The following FAM89A variants were observed in gnomAD, a reference collection of about 807,000 sequenced individuals.
FAM89A encodes the protein protein FAM89A.
In FAM89A, 10 loss-of-function variants were observed where a neutral mutation model predicts 7.1. The ratio of observed to expected loss-of-function variants is 1.40; its 90% CI spans 0.86 to 2.38. The LOEUF is 2.38. FAM89A is among the 30% of genes most tolerant of loss of function. The pLI is 0.00. For missense variants in FAM89A, 276 were observed against 262.8 expected (o/e 1.05, Z -0.35); for synonymous variants, 157 against 129.3 (o/e 1.21, Z -1.45).
intron 1 of FAM89A, among the ~76,000 whole-genome samples, chr1:231,020,883 C>A (rs1354845148): frequency 1.3e-5 from 2 of 152,168 alleles, no homozygotes; most frequent in African/African-American, 4.8e-5. Context: ...TCCCCCACCA[C>A]CCATCCCAGA....
intron 1 of FAM89A, among the ~76,000 whole-genome samples, chr1:231,036,040 G>C (rs577116646): frequency 1.3e-5 from 2 of 152,170 alleles, no homozygotes; most frequent in African/African-American, 2.4e-5. Flanking sequence ...CACTGTTAGA[G>C]GCCAGGTTCC....
chr1:231,023,994 T>C (rs1679920480), intron 1 of FAM89A, among the ~76,000 whole-genome samples: 1 of 152,242 alleles, frequency 6.6e-6, no homozygotes, highest in Admixed American at 6.5e-5. Context: ...CTAAATTAAA[T>C]TGATAAAAAG....
At chr1:231,027,611 C>T (rs560048338) in intron 1 of FAM89A, among the ~76,000 whole-genome samples, 9 of 152,290 alleles carry the variant, frequency 5.9e-5, no homozygotes, top group African/African-American at 1.2e-4. Context: ...CTTCCTAGCC[C>T]GGGCCCCTCT....
chr1:231,030,581 A>G (rs1390650480), intron 1 of FAM89A, among the ~76,000 whole-genome samples: 1 of 152,198 alleles, frequency 6.6e-6, no homozygotes, highest in African/African-American at 2.4e-5. Context: ...ATGTCTTTGT[A>G]CATTCTTTTA....
At chr1:231,026,862 C>T (rs1383625040) in intron 1 of FAM89A, 2 of 152,094 alleles carry the variant, frequency 1.3e-5, no homozygotes, top group African/African-American at 4.8e-5. Context: ...GAGAAAGCCA[C>T]ACTCTCTCGG....
intron 1 of FAM89A, among the ~76,000 whole-genome samples, chr1:231,033,160 A>G (rs149069812): frequency 3.5e-4 from 53 of 152,318 alleles, no homozygotes; most frequent in Non-Finnish European, 6.8e-4. Context: ...ACTCCTGTCT[A>G]ATCATCACTT....
At chr1:231,029,896 G>A (rs963128158) in intron 1 of FAM89A, among the ~76,000 whole-genome samples, 1 of 152,218 alleles carries the variant, frequency 6.6e-6, no homozygotes, top group Admixed American at 6.5e-5. Flanking sequence ...GACTGTAATT[G>A]AAGAAAGCAG....
intron 1 of FAM89A, chr1:231,022,203 G>A (rs770921585): frequency 1.1e-4 from 108 of 972,388 alleles, no homozygotes; most frequent in Non-Finnish European, 1.8e-4. Flanking sequence ...AGACGCCCAG[G>A]AGAGACGGAT....
At chr1:231,030,649 G>A (rs377497386) in intron 1 of FAM89A, among the ~76,000 whole-genome samples, 12 of 152,056 alleles carry the variant, frequency 7.9e-5, no homozygotes, top group African/African-American at 2.4e-4. Context: ...CAAATGGTTC[G>A]TAATCATACA....
At position 231,035,563 on chromosome 1, in the gene FAM89A, A is replaced by G. The variant is rs1680146220; in HGVS notation, c.291+4358T>C. Among the ~76,000 whole-genome samples the G allele has an allele frequency of 2.0e-5, 3 of 152,144 alleles. No homozygotes were observed. The South Asian group carries it at 6.2e-4, about 32-fold the overall frequency. ...TGGTTACCTGTAAGGTTGATGATCT[A>G]ACCTCGCACGGGTGCTGGGAAGGGC... On this transcript the variant is annotated intron_variant, in intron 1 of 1. Coordinates refer to ENST00000366654, the MANE Select transcript of FAM89A (RefSeq NM_198552.3).
chr1:231,039,539 C>A (rs1312179480), intron 1 of FAM89A, among the ~76,000 whole-genome samples: 2 of 152,214 alleles, frequency 1.3e-5, no homozygotes, highest in African/African-American at 2.4e-5. Flanking sequence ...CGTTGGGCCG[C>A]TGTGAAAGCC....
chr1:231,020,068 G>T lies in FAM89A; in HGVS notation c.350C>A (p.Ser117Ter). The change falls in exon 2 of 2, where the codon TCG (serine) becomes TAG (stop). Residue 117 changes from serine (S) to a stop codon, truncating the protein, a stop_gained. Transcript: ENST00000366654. LOFTEE classifies it low-confidence loss of function (END_TRUNC). ...LLCQLYSLYESIQEYKGACQA... is the reference protein window; with the variant it reads ...LLCQLYSLYE ...GCATGCCCCCTTGTACTCCTGAATC[G>T]ACTCGTAGAGGCTGTACAGTTGGCA... 1.2e-6 allele frequency: 2 copies of T among 1,614,030 alleles called. No individual in the cohort carries two copies. Among genetic ancestry groups the T allele is most frequent in the South Asian group, 2.2e-5 (2 of 91,064 alleles).
chr1:231,039,829 C>A (rs768827187), intron 1 of FAM89A, 92 bp downstream of exon 1: 89 of 1,193,716 alleles, frequency 7.5e-5, no homozygotes, highest in Non-Finnish European at 9.3e-5. Context: ...CGGGTGGGCG[C>A]GGGGACTTCC....
chr1:231,021,243 G>A (rs568661173), intron 1 of FAM89A, among the ~76,000 whole-genome samples: 3 of 152,348 alleles, frequency 2.0e-5, no homozygotes, highest in South Asian at 2.1e-4. Flanking sequence ...CTTCATCTCC[G>A]TGCCTTGGTT....
intron 1 of FAM89A, among the ~76,000 whole-genome samples, chr1:231,039,292 T>G (rs970084777): frequency 3.3e-5 from 5 of 152,210 alleles, no homozygotes; most frequent in Admixed American, 1.3e-4. Context: ...CCCACCTTTC[T>G]CAAGAGGGTT....
intron 1 of FAM89A, among the ~76,000 whole-genome samples, chr1:231,029,569 C>T (rs146947535): frequency 5.7e-3 from 867 of 152,206 alleles, no homozygotes; most frequent in Admixed American, 9.0e-3. Flanking sequence ...GGGAGGTGAC[C>T]AGATCTGCAG....
chr1:231,020,141 TG>T lies in FAM89A; in HGVS notation c.292-16del. 3.2e-6 allele frequency: 5 copies of T among 1,579,710 alleles called. No individual in the cohort carries two copies. Among genetic ancestry groups the T allele is most frequent in the Non-Finnish European group, 2.6e-6 (3 of 1,161,152 alleles). ...CGGAGACCAACCTTGAGGGAAGGGG[TG>T]GGGAGGTAAAAAACGAGAAGTCAGC... On this transcript the variant is annotated splice_polypyrimidine_tract_variant and intron_variant, in intron 1 of 1. Coordinates refer to ENST00000366654, the MANE Select transcript of FAM89A (RefSeq NM_198552.3).
chr1:231,019,989 A>C lies in FAM89A; in HGVS notation c.429T>G (p.Asp143Glu), dbSNP rs746369570. The C allele has an allele frequency of 5.0e-5, 81 of 1,614,092 alleles. No individual in the cohort carries two copies. Among genetic ancestry groups the C allele is most frequent in the Non-Finnish European group, 6.7e-5 (79 of 1,180,026 alleles). ...CTYALENGFF[D>E]EEEEYFQEQN... ...GCTCCTGGAAATATTCCTCCTCTTC[A>C]TCGAAGAAGCCGTTCTCCAGAGCGT... Residue 143 changes from aspartate to glutamate, a missense_variant, in exon 2 of 2, where the codon GAT becomes GAG. Transcript: ENST00000366654.
Position 231,019,526 on chromosome 1 carries a change from C to T in FAM89A, c.*337G>A. 1 of 248,842 alleles carries T rather than the reference C, an allele frequency of 4.0e-6. No individual in the cohort carries two copies. The highest frequency in any genetic ancestry group is 1.4e-3 in the Middle Eastern group (1 of 710). The allele number at this position is 248,842 out of a possible 1,614,324, so 15.4% of individuals were successfully genotyped here. On this transcript the variant is annotated 3_prime_UTR_variant, in exon 2 of 2. Transcript: ENST00000366654. Reference sequence around the variant, plus strand: ...CCATCTGTAAGGAAGTAGCTAGCTACAAGCCACCTCACACAAAACACCCAC... The same window carrying T: ...CCATCTGTAAGGAAGTAGCTAGCTATAAGCCACCTCACACAAAACACCCAC...
Sources: gnomAD v4.1 joint callset for allele counts (sites outside exome capture counted in the v4.1 genomes callset) on GRCh38, gnomAD v4.1.1 for gene constraint, MANE v1.5 for transcripts, NCBI Gene and HGNC (gene_info 2026-07-23, HGNC 2026-07-21) for gene names.